The following CTNNA2 variants were observed in gnomAD, a reference collection of about 807,000 sequenced individuals.
CTNNA2 encodes the protein catenin alpha 2.
In CTNNA2, 42 loss-of-function variants were observed where a neutral mutation model predicts 101.0. The observed-to-expected ratio is 0.42, with a 90% CI of 0.32 to 0.54. The LOEUF (loss-of-function observed/expected upper bound fraction) is 0.54. Among genes scored for constraint, CTNNA2 ranks in the 20% least tolerant of loss-of-function variants. The pLI is 0.14. For missense variants in CTNNA2, 871 were observed against 1,223.1 expected (o/e 0.71, Z 4.29); for synonymous variants, 450 against 456.4 (o/e 0.99, Z 0.18).
chr2:80,080,500 G>C (rs1211428082), intron 7 of CTNNA2, among the ~76,000 whole-genome samples: 1 of 152,190 alleles, frequency 6.6e-6, no homozygotes, highest in Non-Finnish European at 1.5e-5. Flanking sequence ...GTAACAGCCA[G>C]AGCTACAAAG....
At chr2:80,627,974 C>A (rs1268779190) in intron 18 of CTNNA2, among the ~76,000 whole-genome samples, 1 of 151,990 alleles carries the variant, frequency 6.6e-6, no homozygotes, top group Non-Finnish European at 1.5e-5. Context: ...CAATAAGAGA[C>A]AAACAGAGAG....
intron 4 of CTNNA2, among the ~76,000 whole-genome samples, chr2:79,429,097 C>G (rs952927963): frequency 6.6e-6 from 1 of 152,062 alleles, no homozygotes; most frequent in Non-Finnish European, 1.5e-5. Context: ...TTTATTCTAC[C>G]TACAATAGAC....
At chr2:80,057,206 A>G (rs1478541903) in intron 7 of CTNNA2, among the ~76,000 whole-genome samples, 4 of 150,902 alleles carry the variant, frequency 2.7e-5, no homozygotes, top group Admixed American at 6.6e-5. Flanking sequence ...AGACTGAGAC[A>G]TAACTCTGTA....
At chr2:80,503,043 T>G (rs1032800341) in intron 9 of CTNNA2, among the ~76,000 whole-genome samples, 1 of 152,098 alleles carries the variant, frequency 6.6e-6, no homozygotes, top group Non-Finnish European at 1.5e-5. Context: ...CATGGAGGCA[T>G]GCAACTGTAG....
rs905962688 is a variant in CTNNA2 at position 80,027,675 on chromosome 2, G to C, written c.1056+117878G>C. 3.3e-5 allele frequency among the ~76,000 whole-genome samples: 5 copies of C among 152,170 alleles called. No individual in the cohort carries two copies. In the East Asian group the frequency reaches 7.8e-4, roughly 24 times the overall value. ...ACCATTAGCCGTATAAATCATTGTGGGGCGGGGAATGCCTGGTGCCGTGGC... is the reference window on the plus strand; with the variant it reads ...ACCATTAGCCGTATAAATCATTGTGCGGCGGGGAATGCCTGGTGCCGTGGC... On this transcript the variant is annotated intron_variant, in intron 7 of 18. Transcript: ENST00000402739.
intron 12 of CTNNA2, among the ~76,000 whole-genome samples, chr2:80,569,166 G>A (rs1274908363): frequency 6.6e-6 from 1 of 152,080 alleles, no homozygotes; most frequent in Non-Finnish European, 1.5e-5. Flanking sequence ...CATCCCTGAC[G>A]TCTCTCAGGA....
At chr2:80,071,343 A>G (rs920907555) in intron 7 of CTNNA2, among the ~76,000 whole-genome samples, 1 of 152,238 alleles carries the variant, frequency 6.6e-6, no homozygotes, top group African/African-American at 2.4e-5. Context: ...CGTGCCGTCA[A>G]TTGTAGCATC....
intron 2 of CTNNA2, among the ~76,000 whole-genome samples, chr2:79,720,918 A>G (rs1346788458): frequency 2.0e-5 from 3 of 152,070 alleles, no homozygotes; most frequent in African/African-American, 7.2e-5. Flanking sequence ...AACACCATAC[A>G]AAAGCTTAGG....
intron 7 of CTNNA2, among the ~76,000 whole-genome samples, chr2:80,179,516 G>A (rs1705622946): frequency 6.6e-6 from 1 of 152,148 alleles, no homozygotes; most frequent in Non-Finnish European, 1.5e-5. Flanking sequence ...TGGGACTACA[G>A]GCACCCGCCA....
intron 6 of CTNNA2, among the ~76,000 whole-genome samples, chr2:79,900,988 A>G (rs1472210640): frequency 6.6e-6 from 1 of 152,244 alleles, no homozygotes; most frequent in Non-Finnish European, 1.5e-5. Flanking sequence ...AAGGGTACAT[A>G]GAATGGGGAT....
intron 1 of CTNNA2, among the ~76,000 whole-genome samples, chr2:79,566,898 T>C (rs563408961): frequency 6.6e-6 from 1 of 152,304 alleles, no homozygotes; most frequent in South Asian, 2.1e-4. Context: ...TAACAGTATA[T>C]GTTAAAACAG....
intron 7 of CTNNA2, among the ~76,000 whole-genome samples, chr2:79,944,685 A>G (rs17018192): frequency 0.013 from 1,979 of 152,328 alleles, 108 homozygotes; most frequent in Admixed American, 0.098. Context: ...TTTGAAATAT[A>G]CCAACATCTA....
chr2:80,512,593 G>A (rs80177103), intron 9 of CTNNA2, among the ~76,000 whole-genome samples: 4,391 of 152,052 alleles, frequency 0.029, 176 homozygotes, highest in African/African-American at 0.084. Context: ...CTTTAATTCT[G>A]GATAGCATTT....
chr2:79,594,737 C>T (rs573737865), intron 1 of CTNNA2, among the ~76,000 whole-genome samples: 52 of 152,080 alleles, frequency 3.4e-4, no homozygotes, highest in Non-Finnish European at 5.9e-4. Context: ...ATGTTTATCT[C>T]TCTTTTTTAT....
At chr2:79,704,890 G>T (rs1213475728) in intron 2 of CTNNA2, among the ~76,000 whole-genome samples, 1 of 152,054 alleles carries the variant, frequency 6.6e-6, no homozygotes, top group Non-Finnish European at 1.5e-5. Context: ...TTTCTACAAT[G>T]AGTGCTATTT....
intron 7 of CTNNA2, among the ~76,000 whole-genome samples, chr2:80,037,169 G>T (rs1233247683): frequency 6.6e-6 from 1 of 152,198 alleles, no homozygotes; most frequent in Non-Finnish European, 1.5e-5. Flanking sequence ...GTAAGAAGAT[G>T]AAGGGGTGAG....
chr2:79,810,023 C>T (rs956396534), intron 3 of CTNNA2, among the ~76,000 whole-genome samples: 42 of 152,138 alleles, frequency 2.8e-4, no homozygotes, highest in African/African-American at 9.2e-4. Context: ...AACTAATGGG[C>T]GAAATAACCA....
chr2:79,440,363 A>G (rs1678764191), intron 4 of CTNNA2, among the ~76,000 whole-genome samples: 3 of 152,138 alleles, frequency 2.0e-5, no homozygotes, highest in Non-Finnish European at 4.4e-5. Flanking sequence ...TCTGGAACCA[A>G]TGCGCTGGAG....
chr2:79,412,126 C>A (rs1033387643), intron 4 of CTNNA2, among the ~76,000 whole-genome samples: 15 of 152,028 alleles, frequency 9.9e-5, no homozygotes, highest in East Asian at 3.9e-4. Flanking sequence ...TTTAAACCAA[C>A]AAAGATCAAA....
Sources: gnomAD v4.1 joint callset for allele counts (sites outside exome capture counted in the v4.1 genomes callset) on GRCh38, gnomAD v4.1.1 for gene constraint, MANE v1.5 for transcripts, NCBI Gene and HGNC (gene_info 2026-07-23, HGNC 2026-07-21) for gene names.